PLCXD2: variants seen among roughly 807,000 people sequenced by gnomAD.
PLCXD2 encodes the protein phosphatidylinositol specific phospholipase C X domain containing 2.
A neutral mutation model predicts 28.6 loss-of-function variants in PLCXD2; 21 were observed. That is an observed-to-expected ratio of 0.73 (90% CI 0.52 to 1.06). The LOEUF (loss-of-function observed/expected upper bound fraction) is 1.06. PLCXD2 is among the 50% of genes least tolerant of loss of function. PLCXD2 has a pLI of 0.00. For missense variants in PLCXD2, 369 were observed against 376.7 expected, an observed-to-expected ratio of 0.98 and a Z score of 0.17; for synonymous variants, 140 against 150.1, an observed-to-expected ratio of 0.93 and a Z score of 0.49.
rs556831323 is a variant in PLCXD2 at position 111,709,823 on chromosome 3, G to A, written c.624+1437G>A. 2.0e-5 allele frequency among the ~76,000 whole-genome samples: 3 copies of A among 152,340 alleles called. No individual in the cohort carries two copies. In the South Asian group the frequency reaches 6.2e-4, roughly 32 times the overall value. ...TGATCATGTGAGCCTAGAAGGCCCT[G>A]TAAAGACGCTAGCCTTCACTCACTC... On this transcript the variant is annotated intron_variant, in intron 2 of 4. Transcript: ENST00000477665.
At chr3:111,712,001 A>T (rs1468692506) in intron 2 of PLCXD2, among the ~76,000 whole-genome samples, 2 of 152,154 alleles carry the variant, frequency 1.3e-5, no homozygotes, top group Non-Finnish European at 2.9e-5. Flanking sequence ...CCACTGAGAT[A>T]GAGAGGAGAG....
rs1365573370 is a variant in PLCXD2, at chr3:111,713,955, A to G, written c.693A>G (p.Pro231=). The G allele has an allele frequency of 1.9e-6, 3 of 1,614,158 alleles. No homozygotes were observed. In the Admixed American group the frequency reaches 5.0e-5, roughly 27 times the overall value. Residue 231 remains proline (P), a synonymous_variant, in exon 3 of 5, where the codon CCA becomes CCG. Transcript: ENST00000477665. ...TCCTGTGGCCAGGAAAGAAGATTCC[A>G]GCGCCCTGGGCAAACACCACAAGTG...
chr3:111,712,401 G>A lies in PLCXD2; in HGVS notation c.625-1486G>A, dbSNP rs1022865444. 2.6e-5 allele frequency among the ~76,000 whole-genome samples: 4 copies of A among 152,034 alleles called. No homozygotes were observed. In the South Asian group the frequency reaches 8.3e-4, roughly 32 times the overall value. On this transcript the variant is annotated intron_variant, in intron 2 of 4. Coordinates refer to ENST00000477665, the MANE Select transcript of PLCXD2 (RefSeq NM_001185106.1). The stretch of plus-strand genomic sequence containing the variant: ...ACTGCACAGGACGGCTTTCCTCACA[G>A]CCCCCAGGCTTACCACCTGGCCAAT...
At chr3:111,690,686 CTCCCTTT>C in intron 1 of PLCXD2, among the ~76,000 whole-genome samples, 1 of 152,196 alleles carries the variant, frequency 6.6e-6, no homozygotes, top group East Asian at 1.9e-4. Context: ...ATTTTCTCTC[CTCCCTTT>C]TCCCTTTCCT....
At chr3:111,726,576 T>G (rs1229302546) in intron 3 of PLCXD2, 1 of 152,188 alleles carries the variant, frequency 6.6e-6, no homozygotes, top group Non-Finnish European at 1.5e-5. Flanking sequence ...TAATAAAGTA[T>G]ACCAATTTTA....
At chr3:111,682,862 G>T (rs1309641463) in intron 1 of PLCXD2, among the ~76,000 whole-genome samples, 3 of 152,012 alleles carry the variant, frequency 2.0e-5, no homozygotes, top group Non-Finnish European at 4.4e-5. Context: ...TGTTAATTTG[G>T]CTAAAAATAT....
chr3:111,721,179 T>G (rs1576466172), intron 3 of PLCXD2: 2 of 188,580 alleles, frequency 1.1e-5, no homozygotes, highest in East Asian at 1.2e-4. Context: ...ATAGGATCTC[T>G]AGGACCCATT....
chr3:111,704,943 G>A (rs1483575216), intron 1 of PLCXD2, among the ~76,000 whole-genome samples: 1 of 151,810 alleles, frequency 6.6e-6, no homozygotes. Context: ...CTCCCAAGTA[G>A]CTGGGACCAC....
chr3:111,708,101 T>G lies in PLCXD2; in HGVS notation c.339T>G (p.Phe113Leu), dbSNP rs1941145518. ...AGCTGGAAGCTGGGATCCGCTACTT[T>G]GACCTGCGTGTGTCTTCCAAACCAG... is the stretch of plus-strand genomic sequence containing the variant. Residue 113 changes from phenylalanine (F) to leucine (L), a missense_variant, in exon 2 of 5, where the codon TTT becomes TTG. By Grantham distance (22) the Phe-to-Leu change is conservative. Transcript: ENST00000477665. The G allele has an allele frequency of 8.1e-6, 13 of 1,614,222 alleles. No individual in the cohort carries two copies. Among genetic ancestry groups the G allele is most frequent in the Non-Finnish European group, 1.1e-5 (13 of 1,180,042 alleles).
chr3:111,700,448 G>T (rs978076549), intron 1 of PLCXD2, among the ~76,000 whole-genome samples: 15 of 152,056 alleles, frequency 9.9e-5, no homozygotes, highest in African/African-American at 3.6e-4. Flanking sequence ...ATTAAGGAGG[G>T]ACTTGTATGT....
At chr3:111,695,374 G>A (rs1321637410) in intron 1 of PLCXD2, among the ~76,000 whole-genome samples, 1 of 152,098 alleles carries the variant, frequency 6.6e-6, no homozygotes, top group Non-Finnish European at 1.5e-5. Context: ...GTACATACAT[G>A]CCTATGATAA....
At chr3:111,718,327 T>C (rs1188933569) in intron 3 of PLCXD2, among the ~76,000 whole-genome samples, 2 of 151,816 alleles carry the variant, frequency 1.3e-5, no homozygotes, top group Non-Finnish European at 2.9e-5. Context: ...TAGCTGGGCG[T>C]GGTGGCGGGC....
intron 3 of PLCXD2, chr3:111,725,780 G>T: frequency 2.5e-6 from 1 of 398,496 alleles, no homozygotes; most frequent in South Asian, 1.3e-4. Context: ...GGGAATTCAG[G>T]CTCACCATTT....
chr3:111,693,629 A>G (rs993098743), intron 1 of PLCXD2, among the ~76,000 whole-genome samples: 1 of 152,176 alleles, frequency 6.6e-6, no homozygotes, highest in Non-Finnish European at 1.5e-5. Context: ...GACTTTATAC[A>G]TCATTCTCCT....
At chr3:111,709,091 GGAAA>G (rs1559796832) in intron 2 of PLCXD2, among the ~76,000 whole-genome samples, 1 of 53,574 alleles carries the variant, frequency 1.9e-5, no homozygotes. Context: ...TACACTCTCT[GGAAA>G]AAAAAAAAAA....
At position 111,708,200 on chromosome 3, in the gene PLCXD2, T is replaced by G; in HGVS notation, c.438T>G (p.Ile146Met). 6.2e-7 allele frequency: 1 copy of G among 1,614,138 alleles called. No homozygotes were observed. Among genetic ancestry groups the G allele is most frequent in the Non-Finnish European group, 8.5e-7 (1 of 1,180,018 alleles). ...AGGTCTGGGATGGGCTGATGGAAAT[T>G]GACTCGTTTCTTACACAGCACCCCC... The change falls in exon 2 of 5, where the codon ATT becomes ATG. Residue 146 changes from isoleucine to methionine, a missense_variant. Coordinates refer to ENST00000477665, the MANE Select transcript of PLCXD2 (RefSeq NM_001185106.1).
chr3:111,676,817 G>A (rs906434081), intron 1 of PLCXD2: 1 of 152,166 alleles, frequency 6.6e-6, no homozygotes, highest in Non-Finnish European at 1.5e-5. Context: ...CAAACAGAAT[G>A]GCATCTTTGG....
intron 3 of PLCXD2, chr3:111,724,706 T>G (rs916142574): frequency 6.6e-6 from 1 of 152,232 alleles, no homozygotes; most frequent in Non-Finnish European, 1.5e-5. Context: ...CCTGCAGATT[T>G]AGTTCATGCC....
intron 1 of PLCXD2, among the ~76,000 whole-genome samples, chr3:111,696,369 A>G (rs531206951): frequency 6.6e-6 from 1 of 152,254 alleles, no homozygotes; most frequent in Non-Finnish European, 1.5e-5. Flanking sequence ...GGCACCTTTA[A>G]TATCTTTTTG....
Sources: gnomAD v4.1 joint callset for allele counts (sites outside exome capture counted in the v4.1 genomes callset) on GRCh38, gnomAD v4.1.1 for gene constraint, MANE v1.5 for transcripts, NCBI Gene and HGNC (gene_info 2026-07-23, HGNC 2026-07-21) for gene names.